Variants in TULP4 observed in about 807,000 individuals in gnomAD.
TULP4 encodes the protein TUB like protein 4, also known as tubby-related protein 4.
TULP4 carries 16 observed loss-of-function variants against 129.0 expected under a neutral mutation model. That is an observed-to-expected ratio of 0.12 (90% CI 0.08 to 0.19). The LOEUF (loss-of-function observed/expected upper bound fraction) is 0.19, where lower values mean the gene tolerates loss of function less well. TULP4 is among the 10% of genes least tolerant of loss of function. The probability of loss-of-function intolerance (pLI) is 1.00; values close to 1 mark genes in which losing one functional copy is unlikely to be tolerated. For synonymous variants in TULP4, 998 were observed against 854.0 expected, an observed-to-expected ratio of 1.17 and a Z score of -2.94; for missense variants, 1,842 against 2,059.1, an observed-to-expected ratio of 0.89 and a Z score of 2.04.
At chr6:158,292,656 G>A (rs1419643469) in intron 1 of TULP4, among the ~76,000 whole-genome samples, 1 of 151,996 alleles carries the variant, frequency 6.6e-6, no homozygotes, top group Non-Finnish European at 1.5e-5. Flanking sequence ...TCTGTTTTAT[G>A]TCTTTATCAA....
intron 1 of TULP4, among the ~76,000 whole-genome samples, chr6:158,351,145 A>G (rs939402414): frequency 1.3e-5 from 2 of 152,142 alleles, no homozygotes; most frequent in Admixed American, 1.3e-4. Context: ...GCATTTTTAT[A>G]TGGATGGTCC....
chr6:158,360,167 A>G (rs746145737), intron 1 of TULP4, among the ~76,000 whole-genome samples: 4 of 152,136 alleles, frequency 2.6e-5, no homozygotes, highest in East Asian at 1.9e-4. Flanking sequence ...AAATAACACA[A>G]ATTAACAGAT....
intron 6 of TULP4, among the ~76,000 whole-genome samples, chr6:158,473,198 T>G (rs1779729698): frequency 6.6e-6 from 1 of 152,232 alleles, no homozygotes; most frequent in Non-Finnish European, 1.5e-5. Context: ...TCTGTACTCT[T>G]GGAGGCGAAT....
intron 1 of TULP4, among the ~76,000 whole-genome samples, chr6:158,380,860 C>G (rs1434718834): frequency 7.0e-6 from 1 of 143,096 alleles, no homozygotes; most frequent in South Asian, 2.2e-4. Flanking sequence ...CGCCACTGCA[C>G]TCCAGCCTGG....
At chr6:158,459,173 G>A (rs1166949711) in intron 5 of TULP4, among the ~76,000 whole-genome samples, 3 of 152,200 alleles carry the variant, frequency 2.0e-5, no homozygotes, top group African/African-American at 7.2e-5. Flanking sequence ...GCTCACGCCT[G>A]TAATCTCAGC....
At position 158,318,899 on chromosome 6, in the gene TULP4, A is replaced by ATT. The variant is rs56898948; in HGVS notation, c.252+4656_252+4657dup. ...TGCCACAATGTTCAGCTAGTTACAA[A>ATT]TTTTTTTTTTTTTTTTTTTTTTTTT... On this transcript the variant is annotated intron_variant, in intron 1 of 13. Coordinates refer to ENST00000367097, the MANE Select transcript of TULP4 (RefSeq NM_020245.5). Among the ~76,000 whole-genome samples the ATT allele has an allele frequency of 2.6e-3, 351 of 136,912 alleles. 6 individuals are homozygous for ATT. Among genetic ancestry groups the ATT allele is most frequent in the African/African-American group, 9.0e-3 (322 of 35,700 alleles). 89.8% of individuals were successfully genotyped at this position (136,912 alleles called of 152,430 possible). A position where few individuals can be genotyped will look rare whatever the true frequency, so the allele number is the denominator to read the frequency against.
At chr6:158,448,889 T>G in intron 3 of TULP4, 107 bp from the exon 4 acceptor site, 1 of 1,181,790 alleles carries the variant, frequency 8.5e-7, no homozygotes, top group Non-Finnish European at 1.2e-6. Context: ...CTAGCTATTT[T>G]TAGTTCTAAA....
rs751222511 is a variant in TULP4 at position 158,502,843 on chromosome 6, C to G, written c.3180C>G (p.Ser1060=). Residue 1060 remains serine, a synonymous_variant, in exon 13 of 14, where the codon TCC becomes TCG. Coordinates refer to ENST00000367097, the MANE Select transcript of TULP4 (RefSeq NM_020245.5). ...GASLAHTASA[S]PLASQSSYSL... ...CCCTGGCCCATACCGCCAGCGCCTC[C>G]CCGTTGGCCTCCCAGTCCTCCTACA... The G allele has an allele frequency of 1.9e-5, 31 of 1,613,402 alleles. No homozygotes were observed. The highest frequency in any genetic ancestry group is 8.0e-5 in the African/African-American group (6 of 74,914).
intron 4 of TULP4, among the ~76,000 whole-genome samples, chr6:158,450,614 G>A (rs1047286007): frequency 6.6e-6 from 1 of 152,110 alleles, no homozygotes; most frequent in Non-Finnish European, 1.5e-5. Context: ...TAGGATACCA[G>A]CCTTGAGAGA....
chr6:158,296,930 GGTCTGTGTTCAGCA>G (rs1779045734), intron 1 of TULP4, among the ~76,000 whole-genome samples: 1 of 152,136 alleles, frequency 6.6e-6, no homozygotes. Flanking sequence ...TCCTGATAAG[GGTCTGTGTTCAGCA>G]GTGCACGTAT....
chr6:158,385,560 G>A (rs1345554341), intron 1 of TULP4, among the ~76,000 whole-genome samples: 1 of 151,870 alleles, frequency 6.6e-6, no homozygotes, highest in African/African-American at 2.4e-5. Context: ...GTGTCAAGGG[G>A]TTGTGAGGAT....
chr6:158,295,424 A>G (rs963680200), intron 1 of TULP4, among the ~76,000 whole-genome samples: 1 of 152,210 alleles, frequency 6.6e-6, no homozygotes, highest in Non-Finnish European at 1.5e-5. Flanking sequence ...TGTAGTTCAC[A>G]GCTTGTTAAA....
intron 1 of TULP4, chr6:158,242,450 A>C: frequency 9.9e-7 from 1 of 1,010,646 alleles, no homozygotes; most frequent in Admixed American, 1.7e-5. Flanking sequence ...AGCATTCATC[A>C]TAGTGTTCCA....
Position 158,498,718 on chromosome 6 carries a change from T to A in TULP4, c.1920T>A (p.Ile640=). 1.9e-5 allele frequency: 30 copies of A among 1,614,226 alleles called. No individual in the cohort carries two copies. Among genetic ancestry groups the A allele is most frequent in the Non-Finnish European group, 2.5e-5 (29 of 1,180,040 alleles). ...LLHLQPRQMT[I]YLPEVRKISM... ...ATCTCCAGCCGCGGCAGATGACCAT[T>A]TATCTCCCAGAAGTTCGGAAAATTT... Residue 640 remains isoleucine (I), a synonymous_variant, in exon 12 of 14, where the codon ATT becomes ATA. Coordinates refer to ENST00000367097, the MANE Select transcript of TULP4 (RefSeq NM_020245.5).
intron 1 of TULP4, among the ~76,000 whole-genome samples, chr6:158,289,755 A>G (rs1288666203): frequency 6.6e-6 from 1 of 151,516 alleles, no homozygotes; most frequent in Non-Finnish European, 1.5e-5. Context: ...TGATTTTTTA[A>G]TTTTTTGTAG....
intron 1 of TULP4, among the ~76,000 whole-genome samples, chr6:158,303,143 G>A (rs1779158240): frequency 6.6e-6 from 1 of 150,872 alleles, no homozygotes; most frequent in Admixed American, 6.6e-5. Flanking sequence ...TTCACTGTCA[G>A]AGCCCATCCT....
intron 2 of TULP4, among the ~76,000 whole-genome samples, chr6:158,419,304 A>G (rs1778284041): frequency 6.6e-6 from 1 of 152,220 alleles, no homozygotes; most frequent in Non-Finnish European, 1.5e-5. Flanking sequence ...TTTTCTCATT[A>G]CCTGAAATGT....
At chr6:158,403,954 C>G (rs1372212447) in intron 1 of TULP4, among the ~76,000 whole-genome samples, 2 of 152,176 alleles carry the variant, frequency 1.3e-5, no homozygotes, top group Non-Finnish European at 2.9e-5. Context: ...GACAAAACAC[C>G]TAACCTCCCT....
intron 3 of TULP4, 33 bp downstream of exon 3, chr6:158,429,930 G>A (rs544088025): frequency 1.8e-5 from 29 of 1,601,532 alleles, no homozygotes; most frequent in South Asian, 1.4e-4. Context: ...GGTGTGTGAC[G>A]TTAAAACCAT....
Sources: gnomAD v4.1 joint callset for allele counts (sites outside exome capture counted in the v4.1 genomes callset) on GRCh38, gnomAD v4.1.1 for gene constraint, MANE v1.5 for transcripts, NCBI Gene and HGNC (gene_info 2026-07-23, HGNC 2026-07-21) for gene names.